Variants in DMD observed in about 807,000 individuals in gnomAD.
The protein encoded by DMD is dystrophin, also known as mutant dystrophin.
In DMD, 63 loss-of-function variants were observed where a neutral mutation model predicts 330.1. That is an observed-to-expected ratio of 0.19 (90% confidence interval 0.16 to 0.24). The LOEUF (loss-of-function observed/expected upper bound fraction) is 0.24, where lower values mean the gene tolerates loss of function less well. Ranked by LOEUF, DMD falls within the 10% of genes least tolerant of loss-of-function variation. The pLI is 1.00. For synonymous variants in DMD, 1,223 were observed against 959.8 expected, an observed-to-expected ratio of 1.27 and a Z score of -5.07; for missense variants, 3,344 against 2,684.1, an observed-to-expected ratio of 1.25 and a Z score of -5.43.
chrX:32,712,153 G>A lies in DMD; in HGVS notation c.650-12860C>T, dbSNP rs769147844. 1.3e-4 allele frequency among the ~76,000 whole-genome samples: 15 copies of A among 111,221 alleles called. No homozygotes were observed. The East Asian group carries it at 2.0e-3, about 15-fold the overall frequency. On this transcript the variant is annotated intron_variant, in intron 7 of 78. Transcript: ENST00000357033. ...ATTCATTTATCCATTTATTTATTCT[G>A]TAACTATTTATTGGACACTTGCCAT...
At position 32,809,548 on chromosome X, in the gene DMD, A is replaced by G; in HGVS notation, c.594T>C (p.His198=). Residue 198 remains histidine (H), a synonymous_variant, in exon 7 of 79, where the codon CAT becomes CAC. Coordinates refer to ENST00000357033, the MANE Select transcript of DMD (RefSeq NM_004006.3). ...CQQSATQRLE[H]AFNIARYQLG... ...ATTGATATCTGGCGATGTTGAATGC[A>G]TGTTCCAGTCGTTGTGTGGCTGACT... 1 of 1,211,354 alleles carries G rather than the reference A, an allele frequency of 8.3e-7. No homozygotes were observed. Among genetic ancestry groups the G allele is most frequent in the Non-Finnish European group, 1.1e-6 (1 of 895,382 alleles).
At chrX:32,521,593 C>A (rs898938258) in intron 17 of DMD, among the ~76,000 whole-genome samples, 1 of 112,300 alleles carries the variant, frequency 8.9e-6, no homozygotes, top group Non-Finnish European at 1.9e-5. Flanking sequence ...AATTCAGGCA[C>A]TTGTTCTGAA....
At chrX:31,320,125 G>A (rs901819088) in intron 62 of DMD, among the ~76,000 whole-genome samples, 4 of 112,269 alleles carry the variant, frequency 3.6e-5, no homozygotes, top group Admixed American at 1.9e-4. Flanking sequence ...TATGAAAACT[G>A]TAACAATGAT....
At chrX:33,323,266 G>A (rs1289741429) in intron 1 of DMD, among the ~76,000 whole-genome samples, 1 of 111,765 alleles carries the variant, frequency 8.9e-6, no homozygotes, top group Non-Finnish European at 1.9e-5. Flanking sequence ...AATACTGTTT[G>A]TGAAAACTTG....
At chrX:33,135,494 T>C (rs2095521443) in intron 1 of DMD, among the ~76,000 whole-genome samples, 2 of 112,483 alleles carry the variant, frequency 1.8e-5, no homozygotes, top group Non-Finnish European at 3.7e-5. Context: ...GTACATCCTA[T>C]TAATATATTT....
intron 44 of DMD, among the ~76,000 whole-genome samples, chrX:32,215,491 A>G (rs1302518627): frequency 9.0e-6 from 1 of 111,694 alleles, no homozygotes; most frequent in Non-Finnish European, 1.9e-5. Context: ...CCAGCCTGAA[A>G]TATGTAGCAA....
At chrX:31,556,376 A>G (rs990221252) in intron 55 of DMD, among the ~76,000 whole-genome samples, 3 of 108,854 alleles carry the variant, frequency 2.8e-5, no homozygotes, top group African/African-American at 1.0e-4. Context: ...CAAAAAAAAA[A>G]AAAAAGAAAA....
intron 55 of DMD, among the ~76,000 whole-genome samples, chrX:31,510,755 C>T (rs763288726): frequency 9.2e-4 from 102 of 110,423 alleles, no homozygotes; most frequent in African/African-American, 3.2e-3. Context: ...GTGATCCGCC[C>T]ACCTTGGCCT....
At chrX:31,901,081 C>T (rs1386795330) in intron 47 of DMD, among the ~76,000 whole-genome samples, 1 of 111,429 alleles carries the variant, frequency 9.0e-6, no homozygotes, top group African/African-American at 3.3e-5. Context: ...GAACCATTTA[C>T]TGGGGGAAAA....
At chrX:32,825,981 T>G in intron 4 of DMD, among the ~76,000 whole-genome samples, 1 of 110,535 alleles carries the variant, frequency 9.0e-6, no homozygotes, top group East Asian at 2.8e-4. Flanking sequence ...AGCCACTGAA[T>G]TATACACTAA....
chrX:33,216,506 T>C (rs1388685367), upstream of DMD, among the ~76,000 whole-genome samples: 1 of 111,110 alleles, frequency 9.0e-6, no homozygotes, highest in Non-Finnish European at 1.9e-5. Flanking sequence ...CAATGCTCAC[T>C]ACCTGGGTGA....
chrX:32,173,237 C>A (rs146448879), intron 44 of DMD, among the ~76,000 whole-genome samples: 2,460 of 109,198 alleles, frequency 0.023, 22 homozygotes, highest in Non-Finnish European at 0.035. Context: ...CAGTAGTATC[C>A]CAAGAGAGGC....
intron 7 of DMD, among the ~76,000 whole-genome samples, chrX:32,732,967 C>G (rs2067914347): frequency 9.0e-6 from 1 of 111,097 alleles, no homozygotes; most frequent in Admixed American, 9.6e-5. Context: ...CACAGACTGG[C>G]AACTTGGATA....
chrX:32,499,800 C>T (rs779742930), intron 19 of DMD, among the ~76,000 whole-genome samples: 5 of 111,285 alleles, frequency 4.5e-5, no homozygotes, highest in African/African-American at 9.8e-5. Context: ...CTCTGAAATA[C>T]ACCTGAAGGG....
chrX:32,026,599 T>C (rs1288930531), intron 44 of DMD, among the ~76,000 whole-genome samples: 4 of 112,693 alleles, frequency 3.5e-5, no homozygotes, highest in African/African-American at 1.3e-4. Context: ...TAAAACACTT[T>C]TCAATTGTAG....
chrX:32,954,040 T>G (rs1451029053), intron 2 of DMD, among the ~76,000 whole-genome samples: 1 of 112,118 alleles, frequency 8.9e-6, no homozygotes, highest in East Asian at 2.8e-4. Context: ...TTGTTTCATT[T>G]TATTATTTGC....
At chrX:32,785,947 T>C (rs1195625673) in intron 7 of DMD, among the ~76,000 whole-genome samples, 1 of 110,935 alleles carries the variant, frequency 9.0e-6, no homozygotes, top group Non-Finnish European at 1.9e-5. Flanking sequence ...ATACTAGTTT[T>C]TTCCCCACTT....
chrX:32,510,926 T>C (rs914805513), intron 18 of DMD, among the ~76,000 whole-genome samples: 16 of 109,996 alleles, frequency 1.5e-4, no homozygotes, highest in East Asian at 5.8e-4. Flanking sequence ...CTTGGTAGAA[T>C]CTTACCTCTC....
At chrX:31,744,322 A>G (rs1450021450) in intron 51 of DMD, among the ~76,000 whole-genome samples, 1 of 112,049 alleles carries the variant, frequency 8.9e-6, no homozygotes, top group African/African-American at 3.2e-5. Flanking sequence ...CAGAGACGTA[A>G]AGCGAGCACA....
Sources: allele counts gnomAD v4.1 joint callset (sites outside exome capture counted in the v4.1 genomes callset), GRCh38; gene constraint gnomAD v4.1.1; transcripts MANE v1.5; gene names NCBI Gene and HGNC (gene_info 2026-07-23, HGNC 2026-07-21).